Variants in DISP3 observed in about 807,000 individuals in gnomAD.
DISP3 encodes dispatched RND transporter family member 3, also known as protein dispatched homolog 3.
Under a neutral mutation model 135.3 loss-of-function variants are expected in DISP3, and 101 were observed. The observed-to-expected ratio is 0.75, with a 90% confidence interval of 0.64 to 0.88. The LOEUF is 0.88. DISP3 is among the 40% of genes least tolerant of loss of function. The pLI, the probability that DISP3 is intolerant of heterozygous loss-of-function variation, is 0.00. For synonymous variants in DISP3, 856 were observed against 817.0 expected (o/e 1.05, Z -0.81); for missense variants, 1,713 against 1,878.6 (o/e 0.91, Z 1.63).
At chr1:11,488,595 G>T (rs1473883467) in intron 1 of DISP3, among the ~76,000 whole-genome samples, 3 of 152,148 alleles carry the variant, frequency 2.0e-5, no homozygotes, top group African/African-American at 4.8e-5. Flanking sequence ...TCCAGCCAGC[G>T]CTGTACCTAA....
intron 10 of DISP3, among the ~76,000 whole-genome samples, chr1:11,522,507 C>T (rs1642226414): frequency 1.3e-5 from 2 of 150,538 alleles, no homozygotes; most frequent in South Asian, 4.2e-4. Context: ...CCCCGAAGCT[C>T]CCTGACAACA....
chr1:11,500,754 C>T (rs1167670936), intron 1 of DISP3, among the ~76,000 whole-genome samples: 2 of 152,080 alleles, frequency 1.3e-5, no homozygotes, highest in Non-Finnish European at 1.5e-5. Context: ...TTTCTGTGGC[C>T]TCAAAAGCCA....
chr1:11,502,963 T>G, intron 3 of DISP3, 66 bp downstream of exon 3: 1 of 1,335,346 alleles, frequency 7.5e-7, no homozygotes, highest in Non-Finnish European at 1.0e-6. Context: ...CTCTTACTCT[T>G]AAACCCCATA....
At position 11,502,190 on chromosome 1, in the gene DISP3, T is replaced by A. The variant is rs1570090836; in HGVS notation, c.1096+102T>A. The A allele has an allele frequency of 2.7e-6, 4 of 1,461,770 alleles. No individual in the cohort carries two copies. In the South Asian group the frequency reaches 5.7e-5, roughly 21 times the overall value. 90.5% of individuals were successfully genotyped at this position (1,461,770 alleles called of 1,614,324 possible). On this transcript the variant is annotated intron_variant, in intron 2 of 20. Coordinates refer to ENST00000294484, the MANE Select transcript of DISP3 (RefSeq NM_020780.2). ...GGCCCAGGCCCAGGCCCAGGCCCAGTCAGTCTGGAACTGAGTCCTGGGCAT... is the reference window on the plus strand; with the variant it reads ...GGCCCAGGCCCAGGCCCAGGCCCAGACAGTCTGGAACTGAGTCCTGGGCAT...
At chr1:11,482,030 A>C (rs1640917859) in intron 1 of DISP3, 1 of 152,252 alleles carries the variant, frequency 6.6e-6, no homozygotes, top group African/African-American at 2.4e-5. Flanking sequence ...GAATGAATGG[A>C]CAAATGAATG....
intron 13 of DISP3, 26 bp downstream of exon 13, chr1:11,526,861 G>T: frequency 6.3e-7 from 1 of 1,586,880 alleles, no homozygotes; most frequent in South Asian, 1.1e-5. Context: ...AGACAAGCCG[G>T]TGCCCATCAG....
At chr1:11,489,755 A>G (rs958765380) in intron 1 of DISP3, among the ~76,000 whole-genome samples, 1 of 152,144 alleles carries the variant, frequency 6.6e-6, no homozygotes, top group Non-Finnish European at 1.5e-5. Flanking sequence ...TTCCAACCCC[A>G]AGTCCTTGGG....
Position 11,536,619 on chromosome 1 carries a change from T to C in DISP3, c.4112T>C (p.Leu1371Pro), listed in dbSNP as rs1642712446. Reference sequence around the variant, plus strand: ...GTGCTGCTGGCAGGGGCCCTGGGGCTGGGTGCCTGCCTCGTGCTCCTGCAG... The same window carrying C: ...GTGCTGCTGGCAGGGGCCCTGGGGCCGGGTGCCTGCCTCGTGCTCCTGCAG... ...GAVLLAGALG[L>P]GACLVLLQSG... The change falls in exon 21 of 21, where the codon CTG (leucine) becomes CCG (proline). Residue 1371 changes from leucine (L) to proline (P), a missense_variant. Physicochemically the swap from Leu to Pro is moderately conservative, Grantham distance 98. Around this residue, in one of 2 missense-constraint regions of DISP3, gnomAD observed 1,142 missense variants for 1,384.6 expected, o/e 0.82. Coordinates refer to ENST00000294484, the MANE Select transcript of DISP3 (RefSeq NM_020780.2). The surrounding 1 kb of genome is among the most constrained non-coding windows in gnomAD (Gnocchi z 4.3). 1 of 1,608,728 alleles carries C rather than the reference T, an allele frequency of 6.2e-7. No individual in the cohort carries two copies. Among genetic ancestry groups the C allele is most frequent in the Non-Finnish European group, 8.5e-7 (1 of 1,178,772 alleles).
At chr1:11,522,618 A>T (rs61773865) in intron 10 of DISP3, among the ~76,000 whole-genome samples, 1 of 35,430 alleles carries the variant, frequency 2.8e-5, no homozygotes, top group Non-Finnish European at 6.1e-5. Flanking sequence ...CCCAGCCAGG[A>T]CCCAGCCAGA....
intron 3 of DISP3, among the ~76,000 whole-genome samples, chr1:11,511,185 A>C (rs1641846855): frequency 6.6e-6 from 1 of 152,180 alleles, no homozygotes; most frequent in African/African-American, 2.4e-5. Flanking sequence ...TCCAATTCTC[A>C]TGTCCTCACA....
rs1038513794 is a variant in DISP3, at chr1:11,499,195, A to G, written c.-3-1795A>G. Among the ~76,000 whole-genome samples, 2 of 152,132 alleles carry G rather than the reference A, an allele frequency of 1.3e-5. No homozygotes were observed. The highest frequency in any genetic ancestry group is 4.8e-5 in the African/African-American group (2 of 41,422). ...CCAAGGAGTGTTGCTGTGACCCAGA[A>G]TCCTGGCCTTTGACCCCCTGCAACA... On this transcript the variant is annotated intron_variant, in intron 1 of 20. Coordinates refer to ENST00000294484, the MANE Select transcript of DISP3 (RefSeq NM_020780.2). This position sits in a 1 kb window ranked among gnomAD's most constrained non-coding sequence, Gnocchi z 5.2.
chr1:11,482,436 A>G (rs147642606), intron 1 of DISP3, among the ~76,000 whole-genome samples: 6 of 152,268 alleles, frequency 3.9e-5, no homozygotes, highest in South Asian at 2.1e-4. Flanking sequence ...TCATAGCCCT[A>G]TGAGCTGGGG....
chr1:11,509,636 T>C (rs112312847), intron 3 of DISP3, among the ~76,000 whole-genome samples: 1 of 152,274 alleles, frequency 6.6e-6, no homozygotes, highest in East Asian at 1.9e-4. Flanking sequence ...AATTATCTTC[T>C]TTGCCCCTAG....
intron 1 of DISP3, among the ~76,000 whole-genome samples, chr1:11,497,032 G>A (rs948808908): frequency 1.3e-5 from 2 of 152,166 alleles, no homozygotes; most frequent in African/African-American, 4.8e-5. Context: ...ACGGGGTGGG[G>A]AGGGTGCATG....
intron 12 of DISP3, 142 bp from the exon 13 acceptor site, chr1:11,526,509 C>A: frequency 1.1e-6 from 1 of 929,862 alleles, no homozygotes; most frequent in East Asian, 2.4e-5. Context: ...TCCCAAGCCT[C>A]TGCCCAGGGC....
chr1:11,503,046 A>G (rs1192585927), intron 3 of DISP3, 149 bp downstream of exon 3: 3 of 715,164 alleles, frequency 4.2e-6, no homozygotes, highest in Non-Finnish European at 4.6e-6. Flanking sequence ...ACATCCTTGC[A>G]GTCTCTCTGA....
At chr1:11,496,795 G>C (rs1175422502) in intron 1 of DISP3, among the ~76,000 whole-genome samples, 1 of 152,188 alleles carries the variant, frequency 6.6e-6, no homozygotes, top group Admixed American at 6.5e-5. Context: ...GGAAGGGCTA[G>C]CTGGGGTTTC....
At chr1:11,534,747 G>A (rs1642662661) in intron 18 of DISP3, 1 of 794,822 alleles carries the variant, frequency 1.3e-6, no homozygotes, top group Admixed American at 2.3e-5. Context: ...CTCTGATCTG[G>A]ACTTTGGCCA....
intron 13 of DISP3, among the ~76,000 whole-genome samples, chr1:11,527,966 C>G (rs1394229653): frequency 6.6e-6 from 1 of 152,132 alleles, no homozygotes; most frequent in Admixed American, 6.5e-5. Context: ...ACCTGTCTTC[C>G]CACAGGAGCA....
Sources: allele counts gnomAD v4.1 joint callset (sites outside exome capture counted in the v4.1 genomes callset), GRCh38; gene constraint gnomAD v4.1.1; regional missense constraint gnomAD v4.1.1; non-coding constraint Gnocchi (gnomAD v3.1); transcripts MANE v1.5; gene names NCBI Gene and HGNC (gene_info 2026-07-23, HGNC 2026-07-21).